Variants in AP4B1 observed in about 807,000 individuals in gnomAD.
AP4B1 encodes AP-4 complex subunit beta-1.
A neutral mutation model predicts 76.5 loss-of-function variants in AP4B1; 49 were observed. The observed-to-expected ratio is 0.64, with a 90% CI of 0.51 to 0.81. The LOEUF (loss-of-function observed/expected upper bound fraction) is 0.81, where lower values mean the gene tolerates loss of function less well. Ranked by LOEUF, AP4B1 falls within the 40% of genes least tolerant of loss-of-function variation. The pLI, the probability that AP4B1 is intolerant of heterozygous loss-of-function variation, is 0.00. For synonymous variants in AP4B1, 330 were observed against 333.3 expected (o/e 0.99, Z 0.11); for missense variants, 911 against 904.9 (o/e 1.01, Z -0.09).
At position 113,899,085 on chromosome 1, in the gene AP4B1, T is replaced by C. The variant is rs1033115333; in HGVS notation, c.1115-284A>G. On this transcript the variant is annotated intron_variant, in intron 5 of 9. Transcript: ENST00000369569. ...ACTTATAGTAACAAAGGTATTTACA[T>C]GGCAGCCAGATATGAGGTACCCTTT... 4 of 1,243,988 alleles carry C rather than the reference T, an allele frequency of 3.2e-6. No individual in the cohort carries two copies. The African/African-American group carries it at 4.7e-5, about 15-fold the overall frequency. The allele number at this position is 1,243,988 out of a possible 1,614,324, so 77.1% of individuals were successfully genotyped here. A position where few individuals can be genotyped will look rare whatever the true frequency, so the allele number is the denominator to read the frequency against.
Position 113,898,714 on chromosome 1 carries a change from T to G in AP4B1, c.1198+4A>C. 2 of 1,607,488 alleles carry G rather than the reference T, an allele frequency of 1.2e-6. No individual in the cohort carries two copies. Among genetic ancestry groups the G allele is most frequent in the Non-Finnish European group, 1.7e-6 (2 of 1,179,336 alleles). ...AACAAAAATCCTAAAAAGGCAGGCA[T>G]TACCTGTGGTAATGTGCTCTTGTCG... On this transcript the variant is annotated splice_donor_region_variant and intron_variant, in intron 6 of 9. Transcript: ENST00000369569.
intron 5 of AP4B1, among the ~76,000 whole-genome samples, chr1:113,899,625 T>C (rs1667951703): frequency 6.6e-6 from 1 of 152,228 alleles, no homozygotes; most frequent in Non-Finnish European, 1.5e-5. Context: ...TAGGAAAGCA[T>C]TTTGGATAGA....
rs1204073643 is a variant in AP4B1, at chr1:113,894,685, AG to A, written c.*379del. 1.3e-5 allele frequency: 3 copies of A among 238,354 alleles called. No homozygotes were observed. Among genetic ancestry groups the A allele is most frequent in the East Asian group, 2.3e-4 (2 of 8,666 alleles). 14.8% of individuals were successfully genotyped at this position (238,354 alleles called of 1,614,324 possible). On this transcript the variant is annotated 3_prime_UTR_variant, in exon 10 of 10. Coordinates refer to ENST00000369569, the MANE Select transcript of AP4B1 (RefSeq NM_001253852.3). ...CATGATTGGAAATATGAGAACAGTTAGGAATTTACTATAATAATCCAGGGAA... is the reference window on the plus strand; with the variant it reads ...CATGATTGGAAATATGAGAACAGTTAGAATTTACTATAATAATCCAGGGAA...
chr1:113,895,928 T>C lies in AP4B1; in HGVS notation c.1621A>G (p.Thr541Ala). Residue 541 changes from threonine to alanine, a missense_variant, in exon 9 of 10, where the codon ACT (threonine) becomes GCT (alanine). Coordinates refer to ENST00000369569, the MANE Select transcript of AP4B1 (RefSeq NM_001253852.3). The stretch of plus-strand genomic sequence containing the variant: ...GCCGGATCCTCCAAAAGTCCAAGAG[T>C]AGGGTCAGATTTAGGGCTACACAGA... ...RILCSPKSDP[T>A]LGLLEDPAER... 1.9e-6 allele frequency: 3 copies of C among 1,613,882 alleles called. No individual in the cohort carries two copies. The highest frequency in any genetic ancestry group is 1.1e-5 in the South Asian group (1 of 91,056).
At position 113,900,066 on chromosome 1, in the gene AP4B1, A is replaced by G. The variant is rs761361688; in HGVS notation, c.952T>C (p.Phe318Leu). 5.6e-6 allele frequency: 9 copies of G among 1,614,198 alleles called. No homozygotes were observed. Among genetic ancestry groups the G allele is most frequent in the Non-Finnish European group, 7.6e-6 (9 of 1,180,046 alleles). Residue 318 changes from phenylalanine (F) to leucine (L), a missense_variant, in exon 5 of 10, where the codon TTT becomes CTT. Physicochemically the swap from Phe to Leu is conservative, Grantham distance 22 (BLOSUM62 0). Coordinates refer to ENST00000369569, the MANE Select transcript of AP4B1 (RefSeq NM_001253852.3). Reference protein sequence around the residue: ...PGHFSSHYKKFFCSYSEPHYI... With the variant: ...PGHFSSHYKKLFCSYSEPHYI... ...TGGGGCTCCGAGTAGGAGCAAAAAA[A>G]CTTTTTGTAGTGGCTGCTAAAGTGA...
intron 7 of AP4B1, 126 bp downstream of exon 7, chr1:113,897,714 G>T (rs1222177197): frequency 1.7e-5 from 16 of 936,336 alleles, no homozygotes; most frequent in Non-Finnish European, 2.5e-5. Flanking sequence ...AGAATCTAAG[G>T]TGGCAATCAA....
At chr1:113,902,051 T>G (rs780801258) in intron 2 of AP4B1, 166 bp from the exon 3 acceptor site, 2 of 923,242 alleles carry the variant, frequency 2.2e-6, no homozygotes, top group Non-Finnish European at 3.3e-6. Flanking sequence ...GACTTTTCTG[T>G]TTTTTTCTTG....
intron 7 of AP4B1, chr1:113,897,494 T>C (rs758021469): frequency 1.5e-4 from 53 of 358,796 alleles, no homozygotes; most frequent in Non-Finnish European, 2.5e-4. Context: ...CTCAGGAGGC[T>C]GAGGCAAGAG....
intron 2 of AP4B1, 83 bp downstream of exon 2, chr1:113,902,555 T>A: frequency 5.7e-6 from 8 of 1,399,990 alleles, no homozygotes; most frequent in Non-Finnish European, 3.0e-6. Context: ...GGAGCTCAAA[T>A]AAATTATCCT....
chr1:113,902,180 C>A, intron 2 of AP4B1: 1 of 437,146 alleles, frequency 2.3e-6, no homozygotes, highest in Non-Finnish European at 4.2e-6. Flanking sequence ...GCTGAGACTA[C>A]AGGTGCGTGT....
In AP4B1 at chr1:113,900,022, T is replaced by C. The variant is rs781125916; in HGVS notation, c.996A>G (p.Lys332=). ...TCACCAGTTCACACAGCACCTCCAC[T>C]TTCTGTAGTTTGATGTAGTGGGGCT... is the stretch of plus-strand genomic sequence containing the variant. ...YSEPHYIKLQ[K]VEVLCELVND... Residue 332 remains lysine (K), a synonymous_variant, in exon 5 of 10, where the codon AAA becomes AAG. Transcript: ENST00000369569. The C allele has an allele frequency of 2.0e-5, 32 of 1,614,116 alleles. No homozygotes were observed. In the East Asian group the frequency reaches 6.9e-4, roughly 35 times the overall value.
Position 113,895,075 on chromosome 1 carries a change from A to G in AP4B1, c.2210T>C (p.Ile737Thr). Residue 737 changes from isoleucine to threonine, a missense_variant, in exon 10 of 10, where the codon ATA becomes ACA. Physicochemically the swap from Ile to Thr is moderately conservative, Grantham distance 89. Transcript: ENST00000369569. ...LETVIGTIEEIKS is the reference protein window; with the variant it reads ...LETVIGTIEETKS Reference sequence around the variant, plus strand: ...AGCAACAAGACTCTGTTATGATTTTATTTCTTCAATTGTTCCAATCACAGT... The same window carrying G: ...AGCAACAAGACTCTGTTATGATTTTGTTTCTTCAATTGTTCCAATCACAGT... The G allele has an allele frequency of 1.2e-6, 2 of 1,613,514 alleles. No homozygotes were observed. The highest frequency in any genetic ancestry group is 1.7e-6 in the Non-Finnish European group (2 of 1,179,700).
chr1:113,903,335 G>A (rs1418538289), intron 1 of AP4B1, among the ~76,000 whole-genome samples: 1 of 152,200 alleles, frequency 6.6e-6, no homozygotes, highest in East Asian at 1.9e-4. Context: ...CAAAGTGCTG[G>A]GATTACCAGC....
intron 2 of AP4B1, among the ~76,000 whole-genome samples, chr1:113,902,370 CAAA>C (rs376516195): frequency 2.0e-4 from 31 of 151,606 alleles, no homozygotes; most frequent in African/African-American, 7.2e-4. Flanking sequence ...GCACAGGCAG[CAAA>C]AAAAGATATA....
chr1:113,902,085 T>C, intron 2 of AP4B1, 200 bp from the exon 3 acceptor site: 1 of 656,684 alleles, frequency 1.5e-6, no homozygotes, highest in Admixed American at 2.4e-5. Context: ...GGGGTCTCAC[T>C]TTGTCACCCA....
At chr1:113,898,621 T>G (rs1261007120) in intron 6 of AP4B1, 97 bp downstream of exon 6, 2 of 924,884 alleles carry the variant, frequency 2.2e-6, no homozygotes, top group South Asian at 2.6e-5. Flanking sequence ...AGTTCAAATC[T>G]CTATATTACT....
In AP4B1 at chr1:113,899,418, G is replaced by C. The variant is rs528954630; in HGVS notation, c.1114+486C>G. ...GCACAATACATAGCCCATAGCAGAAGCTCAATAAATGACTGGTGGATTAAC... is the reference window on the plus strand; with the variant it reads ...GCACAATACATAGCCCATAGCAGAACCTCAATAAATGACTGGTGGATTAAC... On this transcript the variant is annotated intron_variant, in intron 5 of 9. Coordinates refer to ENST00000369569, the MANE Select transcript of AP4B1 (RefSeq NM_001253852.3). 1.9e-3 allele frequency: 1,706 copies of C among 900,974 alleles called. 4 individuals are homozygous for C. The highest frequency in any genetic ancestry group is 2.2e-3 in the Non-Finnish European group (1,648 of 735,634). 55.8% of individuals were successfully genotyped at this position (900,974 alleles called of 1,614,324 possible).
chr1:113,898,609 A>G lies in AP4B1; in HGVS notation c.1198+109T>C, dbSNP rs1667791165. On this transcript the variant is annotated intron_variant, in intron 6 of 9. Coordinates refer to ENST00000369569, the MANE Select transcript of AP4B1 (RefSeq NM_001253852.3). ...ACAGCAACAGATGATGATGCAAGGAAAAGTTCAAATCTCTATATTACTCAT... is the reference window on the plus strand; with the variant it reads ...ACAGCAACAGATGATGATGCAAGGAGAAGTTCAAATCTCTATATTACTCAT... 10 of 871,852 alleles carry G rather than the reference A, an allele frequency of 1.1e-5. No homozygotes were observed. In the Admixed American group the frequency reaches 1.5e-4, roughly 13 times the overall value. 54.0% of individuals were successfully genotyped at this position (871,852 alleles called of 1,614,324 possible). A position where few individuals can be genotyped will look rare whatever the true frequency, so the allele number is the denominator to read the frequency against.
intron 6 of AP4B1, 51 bp from the exon 7 acceptor site, chr1:113,897,994 G>GCA: frequency 6.2e-7 from 1 of 1,612,918 alleles, no homozygotes; most frequent in African/African-American, 1.3e-5. Context: ...CTCCAGGTAG[G>GCA]CAGGAATCTT....
Sources: gnomAD v4.1 joint callset for allele counts (sites outside exome capture counted in the v4.1 genomes callset) on GRCh38, gnomAD v4.1.1 for gene constraint, MANE v1.5 for transcripts, NCBI Gene and HGNC (gene_info 2026-07-23, HGNC 2026-07-21) for gene names.